CAMSAP2: variants seen among roughly 807,000 people sequenced by gnomAD.
CAMSAP2 encodes calmodulin regulated spectrin associated protein family member 2, also known as calmodulin-regulated spectrin-associated protein 2.
Under a neutral mutation model 146.1 loss-of-function variants are expected in CAMSAP2, and 26 were observed. The ratio of observed to expected loss-of-function variants is 0.18; its 90% confidence interval spans 0.13 to 0.25. The LOEUF (loss-of-function observed/expected upper bound fraction) is 0.25, where lower values mean the gene tolerates loss of function less well. CAMSAP2 is among the 10% of genes least tolerant of loss of function. The pLI is 1.00. For synonymous variants in CAMSAP2, 499 were observed against 596.6 expected (o/e 0.84, Z 2.38); for missense variants, 1,381 against 1,759.3 (o/e 0.78, Z 3.85).
At chr1:200,828,674 T>G (rs1263161225) in intron 4 of CAMSAP2, 4 of 1,399,164 alleles carry the variant, frequency 2.9e-6, no homozygotes, top group Admixed American at 4.0e-5. Flanking sequence ...GTTTATGTCT[T>G]GCTGTTAAAG....
At position 200,855,651 on chromosome 1, in the gene CAMSAP2, C is replaced by T. The variant is rs139999855; in HGVS notation, c.3897-359C>T. Among the ~76,000 whole-genome samples, 1,185 of 151,806 alleles carry T rather than the reference C, an allele frequency of 7.8e-3. 17 individuals carry two copies. The highest frequency in any genetic ancestry group is 0.027 in the African/African-American group (1,117 of 41,372). Reference sequence around the variant, plus strand: ...TTTCTCCATTGCCCAGGCTAGAGTGCAGTGACACGATCTCGGCTCACTGCA... The same window carrying T: ...TTTCTCCATTGCCCAGGCTAGAGTGTAGTGACACGATCTCGGCTCACTGCA... On this transcript the variant is annotated intron_variant, in intron 14 of 16. Coordinates refer to ENST00000358823, the MANE Select transcript of CAMSAP2 (RefSeq NM_203459.4).
intron 2 of CAMSAP2, among the ~76,000 whole-genome samples, chr1:200,804,861 T>C (rs1195390464): frequency 6.6e-6 from 1 of 152,230 alleles, no homozygotes; most frequent in Admixed American, 6.5e-5. Flanking sequence ...CATATTATGT[T>C]TGTCATTTCT....
At chr1:200,755,809 ATAT>A (rs897647309) in intron 1 of CAMSAP2, among the ~76,000 whole-genome samples, 2 of 152,312 alleles carry the variant, frequency 1.3e-5, no homozygotes, top group South Asian at 2.1e-4. Context: ...TAGAAATAAA[ATAT>A]TATGGGATAG....
chr1:200,816,504 G>T (rs1234532840), intron 4 of CAMSAP2, among the ~76,000 whole-genome samples: 1 of 147,554 alleles, frequency 6.8e-6, no homozygotes, highest in Non-Finnish European at 1.5e-5. Context: ...AGAGGCAGGA[G>T]AATCGCTTGA....
At position 200,738,931 on chromosome 1, in the gene CAMSAP2, G is replaced by A. The variant is rs552587154; in HGVS notation, c.-897G>A. Among the ~76,000 whole-genome samples the A allele has an allele frequency of 2.8e-5, 4 of 143,782 alleles. No homozygotes were observed. In the East Asian group the frequency reaches 6.4e-4, roughly 23 times the overall value. The allele number at this position is 143,782 out of a possible 152,430, so 94.3% of individuals were successfully genotyped here. A position where few individuals can be genotyped will look rare whatever the true frequency, so the allele number is the denominator to read the frequency against. On this transcript the variant is annotated 5_prime_UTR_variant, in exon 1 of 17. Coordinates refer to ENST00000358823, the MANE Select transcript of CAMSAP2 (RefSeq NM_203459.4). ...GCTCCTTCATCCAGTGCCGCAGCCG[G>A]AAAACCGCAGCGGCGGCGGCGGCGG...
intron 12 of CAMSAP2, 121 bp downstream of exon 12, chr1:200,852,798 T>G (rs1385391916): frequency 3.5e-5 from 37 of 1,070,344 alleles, no homozygotes; most frequent in Non-Finnish European, 4.8e-5. Context: ...ACAGATTTCT[T>G]TCAGAGAAGT....
At chr1:200,802,903 A>C (rs1370740483) in intron 2 of CAMSAP2, among the ~76,000 whole-genome samples, 2 of 152,248 alleles carry the variant, frequency 1.3e-5, no homozygotes, top group South Asian at 4.1e-4. Context: ...ACACAGATAT[A>C]GAACCTAATG....
intron 2 of CAMSAP2, among the ~76,000 whole-genome samples, chr1:200,770,525 T>C (rs1002537986): frequency 1.4e-4 from 21 of 152,002 alleles, no homozygotes; most frequent in Admixed American, 1.1e-3. Context: ...GCCATTCTCT[T>C]GCCTCAGTCT....
chr1:200,801,040 C>T (rs189608629), intron 2 of CAMSAP2, among the ~76,000 whole-genome samples: 72 of 152,212 alleles, frequency 4.7e-4, no homozygotes, highest in Admixed American at 3.2e-3. Context: ...CCAAGACGGG[C>T]GGATCACAGG....
chr1:200,853,194 C>A lies in CAMSAP2; in HGVS notation c.3603-81C>A. Reference sequence around the variant, plus strand: ...AGGTGATGAAATAGAATTCTCCTTTCTCATATCAAATACATAACTCTCTCC... The same window carrying A: ...AGGTGATGAAATAGAATTCTCCTTTATCATATCAAATACATAACTCTCTCC... On this transcript the variant is annotated intron_variant, in intron 12 of 16. Transcript: ENST00000358823. This position sits in a 1 kb window ranked among gnomAD's most constrained non-coding sequence, Gnocchi z 5.1. 1.6e-6 allele frequency: 2 copies of A among 1,220,398 alleles called. No homozygotes were observed. The highest frequency in any genetic ancestry group is 2.3e-6 in the Non-Finnish European group (2 of 855,462). 75.6% of individuals were successfully genotyped at this position (1,220,398 alleles called of 1,614,324 possible).
chr1:200,817,065 CGT>C (rs1396882355), intron 4 of CAMSAP2, among the ~76,000 whole-genome samples: 1 of 139,580 alleles, frequency 7.2e-6, no homozygotes, highest in Non-Finnish European at 1.6e-5. Flanking sequence ...TATACACACA[CGT>C]ATATATGTGT....
chr1:200,813,309 CTTAATA>C (rs1349504036), intron 3 of CAMSAP2, among the ~76,000 whole-genome samples: 1 of 152,238 alleles, frequency 6.6e-6, no homozygotes, highest in East Asian at 1.9e-4. Flanking sequence ...GGCTACACCT[CTTAATA>C]TTAACACATT....
At chr1:200,764,875 G>A (rs1286230525) in intron 2 of CAMSAP2, among the ~76,000 whole-genome samples, 2 of 152,064 alleles carry the variant, frequency 1.3e-5, no homozygotes, top group South Asian at 2.1e-4. Context: ...AGGCCAAGGC[G>A]GGTGGTTCAC....
intron 4 of CAMSAP2, among the ~76,000 whole-genome samples, chr1:200,831,342 TG>T (rs1667038208): frequency 6.6e-6 from 1 of 152,196 alleles, no homozygotes; most frequent in Non-Finnish European, 1.5e-5. Flanking sequence ...TTCTATGAAG[TG>T]GGTACTATTA....
chr1:200,849,608 C>G lies in CAMSAP2; in HGVS notation c.2839C>G (p.Pro947Ala). 6.2e-7 allele frequency: 1 copy of G among 1,614,190 alleles called. No homozygotes were observed. The highest frequency in any genetic ancestry group is 2.2e-5 in the East Asian group (1 of 44,890). Residue 947 changes from proline (P) to alanine (A), a missense_variant, in exon 11 of 17, where the codon CCA becomes GCA. Around this residue, in one of 4 missense-constraint regions of CAMSAP2, gnomAD observed 560 missense variants for 715.9 expected, o/e 0.78. Transcript: ENST00000358823. The surrounding 1 kb of genome is among the most constrained non-coding windows in gnomAD (Gnocchi z 6.3). ...KQAGLSSAIA[P>A]FSSDSPRPTH... ...GGCAGGCCTGTCATCAGCCATTGCA[C>G]CATTCTCCTCAGACTCCCCTCGTCC...
intron 2 of CAMSAP2, among the ~76,000 whole-genome samples, chr1:200,773,462 A>G (rs945197516): frequency 1.3e-5 from 2 of 151,954 alleles, no homozygotes; most frequent in Admixed American, 1.3e-4. Flanking sequence ...TCGCCATGTT[A>G]GCCAGGCTGG....
At chr1:200,782,651 A>G (rs1665467650) in intron 2 of CAMSAP2, among the ~76,000 whole-genome samples, 1 of 152,084 alleles carries the variant, frequency 6.6e-6, no homozygotes, top group African/African-American at 2.4e-5. Context: ...ATTGCTGAAT[A>G]TTCCATTCTG....
intron 2 of CAMSAP2, among the ~76,000 whole-genome samples, chr1:200,805,472 G>A (rs1199884853): frequency 6.6e-6 from 1 of 152,190 alleles, no homozygotes; most frequent in African/African-American, 2.4e-5. Context: ...TCATATGCAG[G>A]TGACTGTGCA....
chr1:200,744,054 A>G (rs1249822515), intron 1 of CAMSAP2, among the ~76,000 whole-genome samples: 1 of 152,212 alleles, frequency 6.6e-6, no homozygotes, highest in Non-Finnish European at 1.5e-5. Flanking sequence ...TTAAATCCTC[A>G]TGACAGCCTT....
Sources: allele counts gnomAD v4.1 joint callset (sites outside exome capture counted in the v4.1 genomes callset), GRCh38; gene constraint gnomAD v4.1.1; regional missense constraint gnomAD v4.1.1; non-coding constraint Gnocchi (gnomAD v3.1); transcripts MANE v1.5; gene names NCBI Gene and HGNC (gene_info 2026-07-23, HGNC 2026-07-21).